CREB3L2: variants seen among roughly 807,000 people sequenced by gnomAD.
CREB3L2 encodes cAMP responsive element binding protein 3 like 2.
CREB3L2 carries 23 observed loss-of-function variants against 57.2 expected under a neutral mutation model. The observed-to-expected ratio is 0.40, with a 90% CI of 0.29 to 0.57. CREB3L2 has a LOEUF of 0.57. Ranked by LOEUF, CREB3L2 falls within the 20% of genes least tolerant of loss-of-function variation. The probability of loss-of-function intolerance (pLI) is 0.42; values close to 1 mark genes in which losing one functional copy is unlikely to be tolerated. For synonymous variants in CREB3L2, 268 were observed against 265.1 expected (o/e 1.01, Z -0.11); for missense variants, 628 against 634.7 (o/e 0.99, Z 0.11).
chr7:137,940,827 T>C (rs1800869683), intron 1 of CREB3L2, among the ~76,000 whole-genome samples: 1 of 152,176 alleles, frequency 6.6e-6, no homozygotes, highest in Non-Finnish European at 1.5e-5. Flanking sequence ...ACTGAGATAA[T>C]CTCATCCCTA....
At chr7:137,894,554 G>A (rs769836749) in intron 8 of CREB3L2, among the ~76,000 whole-genome samples, 14 of 152,108 alleles carry the variant, frequency 9.2e-5, no homozygotes, top group East Asian at 1.9e-4. Context: ...TTTGCCCTTC[G>A]GAGAACAGAT....
intron 1 of CREB3L2, among the ~76,000 whole-genome samples, chr7:137,932,069 T>C (rs1800656846): frequency 1.3e-5 from 2 of 152,242 alleles, no homozygotes; most frequent in Admixed American, 1.3e-4. Flanking sequence ...TACATATGCA[T>C]GTATCCATTA....
chr7:137,922,508 A>ATAT, intron 2 of CREB3L2: 1 of 245,748 alleles, frequency 4.1e-6, no homozygotes, highest in Non-Finnish European at 8.4e-6. Context: ...ACACACACAC[A>ATAT]ATATATATAT....
chr7:137,970,833 G>A (rs1336457347), intron 1 of CREB3L2, among the ~76,000 whole-genome samples: 1 of 152,124 alleles, frequency 6.6e-6, no homozygotes, highest in Non-Finnish European at 1.5e-5. Context: ...AGAATGTCTG[G>A]AACCAACAGC....
At position 137,877,407 on chromosome 7, in the gene CREB3L2, A is replaced by T; in HGVS notation, c.*3069T>A. On this transcript the variant is annotated 3_prime_UTR_variant, in exon 12 of 12. Transcript: ENST00000330387. ...ATAACACTCTCTTTATGTGAGCTAG[A>T]CTCCAGAGTCCTCACACTTCACAGA... 1 of 227,506 alleles carries T rather than the reference A, an allele frequency of 4.4e-6. No individual in the cohort carries two copies. 14.1% of individuals were successfully genotyped at this position (227,506 alleles called of 1,614,324 possible). A position where few individuals can be genotyped will look rare whatever the true frequency, so the allele number is the denominator to read the frequency against.
intron 1 of CREB3L2, among the ~76,000 whole-genome samples, chr7:137,938,619 C>G (rs893951548): frequency 3.3e-5 from 5 of 152,150 alleles, no homozygotes; most frequent in Admixed American, 2.0e-4. Context: ...GCTGGGATTA[C>G]AGGTGTGAGC....
intron 8 of CREB3L2, among the ~76,000 whole-genome samples, chr7:137,898,838 G>A (rs895467299): frequency 6.8e-6 from 1 of 147,826 alleles, no homozygotes; most frequent in African/African-American, 2.5e-5. Flanking sequence ...AAAAAGATAT[G>A]TAATGGACAT....
At chr7:137,907,185 T>C (rs947268755) in intron 5 of CREB3L2, among the ~76,000 whole-genome samples, 2 of 152,120 alleles carry the variant, frequency 1.3e-5, no homozygotes, top group Non-Finnish European at 2.9e-5. Context: ...CTAGTGTGGG[T>C]AAGGAGTTCT....
Position 137,940,722 on chromosome 7 carries a change from C to A in CREB3L2, c.103-12356G>T, listed in dbSNP as rs139809829. ...TGCCAAAAACATCAGGTATGAAACA[C>A]TAACGGGCGATGAAGTTTGTGGGAA... On this transcript the variant is annotated intron_variant, in intron 1 of 11. Transcript: ENST00000330387. Among the ~76,000 whole-genome samples the A allele has an allele frequency of 6.6e-5, 10 of 152,322 alleles. No individual in the cohort carries two copies. In the East Asian group the frequency reaches 1.3e-3, roughly 21 times the overall value.
chr7:137,974,478 G>C (rs1326293672), intron 1 of CREB3L2, among the ~76,000 whole-genome samples: 1 of 152,208 alleles, frequency 6.6e-6, no homozygotes, highest in African/African-American at 2.4e-5. Context: ...GGGACTCATG[G>C]ATGGAGCGCA....
Position 137,925,609 on chromosome 7 carries a change from C to T in CREB3L2, c.319+2541G>A, listed in dbSNP as rs1800435260. Among the ~76,000 whole-genome samples, 3 of 152,154 alleles carry T rather than the reference C, an allele frequency of 2.0e-5. No homozygotes were observed. In the South Asian group the frequency reaches 6.2e-4, roughly 32 times the overall value. On this transcript the variant is annotated intron_variant, in intron 2 of 11. Transcript: ENST00000330387. Reference sequence around the variant, plus strand: ...ATACTTGTGGATTGATTCCCCCACCCTACAGATCGCCACCTTAAGGGGGAT... The same window carrying T: ...ATACTTGTGGATTGATTCCCCCACCTTACAGATCGCCACCTTAAGGGGGAT...
chr7:137,950,159 T>C (rs771196080), intron 1 of CREB3L2, among the ~76,000 whole-genome samples: 6 of 152,116 alleles, frequency 3.9e-5, no homozygotes, highest in African/African-American at 9.7e-5. Flanking sequence ...AGCCACACTC[T>C]TTCCAATACA....
At chr7:137,924,328 T>A (rs968283672) in intron 2 of CREB3L2, among the ~76,000 whole-genome samples, 3 of 152,206 alleles carry the variant, frequency 2.0e-5, no homozygotes, top group Non-Finnish European at 4.4e-5. Flanking sequence ...TGTTCTTGTA[T>A]CATCTTAGAG....
At chr7:137,905,109 T>G (rs1025477847) in intron 6 of CREB3L2, among the ~76,000 whole-genome samples, 1 of 151,716 alleles carries the variant, frequency 6.6e-6, no homozygotes, top group Non-Finnish European at 1.5e-5. Context: ...GGCCTGTGCC[T>G]CAGCCATCCC....
At chr7:137,889,372 T>C (rs1799489732) in intron 8 of CREB3L2, among the ~76,000 whole-genome samples, 1 of 152,196 alleles carries the variant, frequency 6.6e-6, no homozygotes, top group African/African-American at 2.4e-5. Flanking sequence ...AGGGCTGGTG[T>C]TTCCTGACTG....
At chr7:137,970,207 T>C (rs1475376958) in intron 1 of CREB3L2, among the ~76,000 whole-genome samples, 1 of 152,242 alleles carries the variant, frequency 6.6e-6, no homozygotes, top group Non-Finnish European at 1.5e-5. Context: ...GAGTTAAATG[T>C]AATAAGTCAC....
At chr7:137,953,587 TAGAGA>T in intron 1 of CREB3L2, 1 of 1,113,482 alleles carries the variant, frequency 9.0e-7, no homozygotes, top group Non-Finnish European at 1.2e-6. Flanking sequence ...AATGTGACTC[TAGAGA>T]AATCATTTCA....
intron 1 of CREB3L2, among the ~76,000 whole-genome samples, chr7:137,960,534 G>A (rs886873072): frequency 6.6e-6 from 1 of 152,092 alleles, no homozygotes; most frequent in African/African-American, 2.4e-5. Flanking sequence ...CTTAGAGAGA[G>A]AATCAGGAAT....
At chr7:137,901,454 A>T (rs1248415761) in intron 7 of CREB3L2, 32 bp from the exon 8 acceptor site, 1 of 1,433,546 alleles carries the variant, frequency 7.0e-7, no homozygotes, top group Non-Finnish European at 9.8e-7. Context: ...GAAAATTATT[A>T]TCCATAGAGC....
Sources: gnomAD v4.1 joint callset for allele counts (sites outside exome capture counted in the v4.1 genomes callset) on GRCh38, gnomAD v4.1.1 for gene constraint, MANE v1.5 for transcripts, NCBI Gene and HGNC (gene_info 2026-07-23, HGNC 2026-07-21) for gene names.